Variants in RHOBTB1 observed in about 807,000 individuals in gnomAD.
RHOBTB1 encodes rho-related BTB domain-containing protein 1.
RHOBTB1 carries 40 observed loss-of-function variants against 71.6 expected under a neutral mutation model. The ratio of observed to expected loss-of-function variants is 0.56; its 90% CI spans 0.43 to 0.73. The LOEUF is 0.73. RHOBTB1 is among the 30% of genes least tolerant of loss of function. The pLI is 0.00. For missense variants in RHOBTB1, 797 were observed against 894.0 expected (o/e 0.89, Z 1.38); for synonymous variants, 319 against 334.9 (o/e 0.95, Z 0.52).
chr10:60,885,310 CAGTTA>C (rs1229194548), intron 7 of RHOBTB1, among the ~76,000 whole-genome samples: 1 of 152,070 alleles, frequency 6.6e-6, no homozygotes, highest in African/African-American at 2.4e-5. Flanking sequence ...TATTATTTGT[CAGTTA>C]AAAGTAAAAC....
intron 5 of RHOBTB1, among the ~76,000 whole-genome samples, chr10:60,892,255 C>G (rs2081958669): frequency 1.3e-5 from 2 of 152,262 alleles, no homozygotes; most frequent in South Asian, 4.1e-4. Context: ...AATGTAACCA[C>G]TAGAGACATT....
chr10:60,981,320 A>G (rs2086489232), intron 2 of RHOBTB1, among the ~76,000 whole-genome samples: 4 of 152,202 alleles, frequency 2.6e-5, no homozygotes, highest in African/African-American at 9.7e-5. Flanking sequence ...AACTGTTTTC[A>G]TTTACTCACT....
At chr10:60,903,373 T>C (rs1029176487) in intron 4 of RHOBTB1, among the ~76,000 whole-genome samples, 1 of 152,088 alleles carries the variant, frequency 6.6e-6, no homozygotes, top group Non-Finnish European at 1.5e-5. Flanking sequence ...CCCATGAGTC[T>C]AGTAACCAAC....
chr10:60,912,718 A>G (rs2083056382), intron 2 of RHOBTB1: 1 of 152,236 alleles, frequency 6.6e-6, no homozygotes, highest in Non-Finnish European at 1.5e-5. Context: ...AAGAGGAAGA[A>G]AAAAAGCACC....
intron 2 of RHOBTB1, among the ~76,000 whole-genome samples, chr10:60,959,694 G>A (rs1057378201): frequency 6.6e-6 from 1 of 152,132 alleles, no homozygotes; most frequent in East Asian, 1.9e-4. Context: ...TTCCAGTTAT[G>A]TGTACTTTGG....
At chr10:60,956,126 A>AT (rs1448210579) in intron 2 of RHOBTB1, among the ~76,000 whole-genome samples, 1 of 152,200 alleles carries the variant, frequency 6.6e-6, no homozygotes, top group Non-Finnish European at 1.5e-5. Flanking sequence ...CACCTAGGCT[A>AT]TATGGTATAG....
chr10:60,993,450 T>A (rs1309723631), intron 1 of RHOBTB1, among the ~76,000 whole-genome samples: 1 of 152,188 alleles, frequency 6.6e-6, no homozygotes, highest in African/African-American at 2.4e-5. Context: ...CATATATTCA[T>A]GTGTAAGTAT....
chr10:60,895,881 G>C (rs2132886560), intron 4 of RHOBTB1, among the ~76,000 whole-genome samples: 1 of 152,360 alleles, frequency 6.6e-6, no homozygotes, highest in Middle Eastern at 3.4e-3. Flanking sequence ...CTAAGCATTA[G>C]GAATCAATGG....
At position 60,893,188 on chromosome 10, in the gene RHOBTB1, C is replaced by T. The variant is rs1172190338; in HGVS notation, c.297-193G>A. On this transcript the variant is annotated intron_variant, in intron 4 of 10. Transcript: ENST00000337910. The stretch of plus-strand genomic sequence containing the variant: ...AAGCCCCCACATTCCAGCACCAACA[C>T]AGCCTAACAGTTCATTTCCATATTG... Among the ~76,000 whole-genome samples, 3 of 151,976 alleles carry T rather than the reference C, an allele frequency of 2.0e-5. No homozygotes were observed. The East Asian group carries it at 5.8e-4, about 29-fold the overall frequency.
intron 2 of RHOBTB1, among the ~76,000 whole-genome samples, chr10:60,937,390 T>C (rs1386532251): frequency 2.0e-5 from 3 of 152,170 alleles, no homozygotes; most frequent in Non-Finnish European, 4.4e-5. Flanking sequence ...CTACAGTGAA[T>C]TGAAATGAAG....
intron 8 of RHOBTB1, among the ~76,000 whole-genome samples, chr10:60,876,414 T>C (rs1047502002): frequency 2.0e-5 from 3 of 152,184 alleles, no homozygotes; most frequent in African/African-American, 7.2e-5. Flanking sequence ...AAAAAAACTT[T>C]CATGGAGAAA....
downstream of RHOBTB1, among the ~76,000 whole-genome samples, chr10:60,866,423 G>T (rs764527212): frequency 6.6e-6 from 1 of 152,188 alleles, no homozygotes; most frequent in Non-Finnish European, 1.5e-5. Context: ...TGTATATAAA[G>T]AAACCCATGT....
chr10:60,986,405 A>ATATATATAT (rs1491479019), intron 1 of RHOBTB1, among the ~76,000 whole-genome samples: 1 of 13,842 alleles, frequency 7.2e-5, no homozygotes, highest in Non-Finnish European at 1.2e-4. Flanking sequence ...TAAATAAAAG[A>ATATATATAT]TATATATATA....
chr10:60,892,042 T>C (rs2081949252), intron 5 of RHOBTB1, among the ~76,000 whole-genome samples: 1 of 152,202 alleles, frequency 6.6e-6, no homozygotes, highest in South Asian at 2.1e-4. Flanking sequence ...CCCTCTGCCA[T>C]GATTGCAAAT....
At chr10:60,932,696 T>A (rs2084332373) in intron 2 of RHOBTB1, among the ~76,000 whole-genome samples, 1 of 151,982 alleles carries the variant, frequency 6.6e-6, no homozygotes, top group Non-Finnish European at 1.5e-5. Flanking sequence ...CATCTTTAAA[T>A]TAAAAAAGAT....
At chr10:60,979,992 C>T (rs748225336) in intron 2 of RHOBTB1, among the ~76,000 whole-genome samples, 2 of 151,928 alleles carry the variant, frequency 1.3e-5, no homozygotes, top group African/African-American at 2.4e-5. Flanking sequence ...AGGGAGGAAC[C>T]GGAAGGAAGT....
intron 1 of RHOBTB1, among the ~76,000 whole-genome samples, chr10:60,991,121 C>T (rs1204522527): frequency 1.3e-5 from 2 of 152,206 alleles, no homozygotes; most frequent in East Asian, 3.8e-4. Context: ...CAGGGTATCA[C>T]TATCTCTCTA....
intron 2 of RHOBTB1, among the ~76,000 whole-genome samples, chr10:60,957,892 C>T (rs2085649649): frequency 6.6e-6 from 1 of 152,098 alleles, no homozygotes; most frequent in South Asian, 2.1e-4. Context: ...TACCACATCC[C>T]TAGAAAGGGG....
intron 1 of RHOBTB1, among the ~76,000 whole-genome samples, chr10:61,001,067 C>A (rs1440140302): frequency 1.3e-5 from 2 of 150,792 alleles, no homozygotes; most frequent in Admixed American, 1.3e-4. Flanking sequence ...TGTGAGTGCG[C>A]GCGCGCGCAC....
Sources: allele counts gnomAD v4.1 joint callset (sites outside exome capture counted in the v4.1 genomes callset), GRCh38; gene constraint gnomAD v4.1.1; transcripts MANE v1.5; gene names NCBI Gene and HGNC (gene_info 2026-07-23, HGNC 2026-07-21).